The following WWP2 variants were observed in gnomAD, a reference collection of about 807,000 sequenced individuals.
WWP2 encodes the protein WW domain containing E3 ubiquitin protein ligase 2.
Under a neutral mutation model 121.0 loss-of-function variants are expected in WWP2, and 57 were observed. That is an observed-to-expected ratio of 0.47 (90% CI 0.38 to 0.59). The LOEUF (loss-of-function observed/expected upper bound fraction) is 0.59, where lower values mean the gene tolerates loss of function less well. Ranked by LOEUF, WWP2 falls within the 20% of genes least tolerant of loss-of-function variation. WWP2 has a pLI of 0.00. For missense variants in WWP2, 962 were observed against 1,158.9 expected, an observed-to-expected ratio of 0.83 and a Z score of 2.47; for synonymous variants, 449 against 441.3, an observed-to-expected ratio of 1.02 and a Z score of -0.22.
intron 7 of WWP2, 95 bp from the exon 8 acceptor site, chr16:69,887,944 G>T (rs2057953883): frequency 4.2e-6 from 6 of 1,417,034 alleles, no homozygotes; most frequent in Non-Finnish European, 5.9e-6. Context: ...TAACATTGTA[G>T]ATACCATGTT....
At chr16:69,851,698 C>T (rs185240080) in intron 6 of WWP2, among the ~76,000 whole-genome samples, 4 of 152,152 alleles carry the variant, frequency 2.6e-5, no homozygotes, top group Non-Finnish European at 5.9e-5. Flanking sequence ...GTTTTCAACT[C>T]GGTCGGGAAC....
intron 10 of WWP2, among the ~76,000 whole-genome samples, chr16:69,923,136 C>T (rs996633280): frequency 3.3e-5 from 5 of 152,012 alleles, no homozygotes; most frequent in Admixed American, 2.0e-4. Context: ...GTGATCCATC[C>T]GCCTCAGACT....
At chr16:69,825,878 C>A (rs996869960) in intron 4 of WWP2, among the ~76,000 whole-genome samples, 2 of 152,124 alleles carry the variant, frequency 1.3e-5, no homozygotes, top group African/African-American at 4.8e-5. Flanking sequence ...CTCACCTTGG[C>A]CTCTCCAAGT....
chr16:69,861,565 C>T (rs1471797200), intron 6 of WWP2, among the ~76,000 whole-genome samples: 3 of 151,822 alleles, frequency 2.0e-5, no homozygotes, highest in Non-Finnish European at 2.9e-5. Flanking sequence ...CCGTAAATTG[C>T]GCTTGCAGTG....
intron 4 of WWP2, among the ~76,000 whole-genome samples, chr16:69,839,513 C>T (rs553325037): frequency 1.3e-5 from 2 of 152,250 alleles, no homozygotes; most frequent in South Asian, 2.1e-4. Context: ...TCCTTGGGGA[C>T]GGGGTGCTCT....
chr16:69,822,537 G>A (rs2056611228), intron 4 of WWP2, among the ~76,000 whole-genome samples: 1 of 152,072 alleles, frequency 6.6e-6, no homozygotes, highest in Non-Finnish European at 1.5e-5. Flanking sequence ...GGTGGGGTGT[G>A]TGTGTGTGTG....
chr16:69,798,590 G>T, intron 2 of WWP2, 92 bp from the exon 3 acceptor site: 2 of 1,381,142 alleles, frequency 1.4e-6, no homozygotes, highest in Non-Finnish European at 1.9e-6. Context: ...ATTTTTTAAA[G>T]CAATAACTAA....
At chr16:69,853,755 A>T (rs1174843394) in intron 6 of WWP2, among the ~76,000 whole-genome samples, 2 of 152,204 alleles carry the variant, frequency 1.3e-5, no homozygotes, top group Non-Finnish European at 2.9e-5. Flanking sequence ...GCAGGACTGC[A>T]TGGCTGGCTA....
chr16:69,825,614 TG>T (rs2056672252), intron 4 of WWP2, among the ~76,000 whole-genome samples: 1 of 150,016 alleles, frequency 6.7e-6, no homozygotes, highest in African/African-American at 2.4e-5. Flanking sequence ...ATAGCAGAAG[TG>T]GGTTTTTTTT....
At chr16:69,905,380 G>T (rs2058274276) in intron 8 of WWP2, among the ~76,000 whole-genome samples, 2 of 152,156 alleles carry the variant, frequency 1.3e-5, no homozygotes, top group East Asian at 3.8e-4. Flanking sequence ...CAGGAGATCA[G>T]ATCTGAGCAG....
At chr16:69,875,606 C>G (rs1442176519) in intron 7 of WWP2, among the ~76,000 whole-genome samples, 1 of 152,244 alleles carries the variant, frequency 6.6e-6, no homozygotes, top group African/African-American at 2.4e-5. Flanking sequence ...TCCTTGTTGT[C>G]ATTTCAACAG....
intron 6 of WWP2, among the ~76,000 whole-genome samples, chr16:69,861,637 G>C (rs754989311): frequency 1.8e-4 from 23 of 129,518 alleles, no homozygotes; most frequent in Non-Finnish European, 2.3e-4. Context: ...CCTTTTACCC[G>C]CCCTCTCCTT....
chr16:69,870,954 A>G (rs2151915392), intron 6 of WWP2, among the ~76,000 whole-genome samples: 1 of 152,162 alleles, frequency 6.6e-6, no homozygotes, highest in Non-Finnish European at 1.5e-5. Flanking sequence ...ATTGCTTCTC[A>G]TTTACTTGGA....
At position 69,913,484 on chromosome 16, in the gene WWP2, A is replaced by G. The variant is rs190112300; in HGVS notation, c.1005-4225A>G. Among the ~76,000 whole-genome samples, 386 of 152,186 alleles carry G rather than the reference A, an allele frequency of 2.5e-3. 2 individuals carry two copies. Among genetic ancestry groups the G allele is most frequent in the African/African-American group, 7.6e-3 (317 of 41,558 alleles). On this transcript the variant is annotated intron_variant, in intron 9 of 23. Coordinates refer to ENST00000359154, the MANE Select transcript of WWP2 (RefSeq NM_001270454.2). ...GCCACTGCGCTCCAGCCTGGGTGAC[A>G]GAGCAAGACCCTGTCTCAAAAAATT...
At chr16:69,860,458 A>T (rs1439546804) in intron 6 of WWP2, among the ~76,000 whole-genome samples, 1 of 152,198 alleles carries the variant, frequency 6.6e-6, no homozygotes, top group Non-Finnish European at 1.5e-5. Flanking sequence ...TTAGGATGTT[A>T]TGAGAGAATG....
chr16:69,936,934 G>A, intron 19 of WWP2, 184 bp from the exon 20 acceptor site: 2 of 713,512 alleles, frequency 2.8e-6, no homozygotes, highest in Non-Finnish European at 4.4e-6. Flanking sequence ...AGACTCCGGT[G>A]TCTGCAGGTC....
intron 6 of WWP2, among the ~76,000 whole-genome samples, chr16:69,849,411 T>G (rs553745101): frequency 6.6e-6 from 1 of 152,336 alleles, no homozygotes; most frequent in Admixed American, 6.5e-5. Context: ...AGCTTATGCT[T>G]AAAATCTGGG....
intron 5 of WWP2, among the ~76,000 whole-genome samples, chr16:69,841,306 G>A (rs2056972996): frequency 6.6e-6 from 1 of 152,210 alleles, no homozygotes. Context: ...CCTGTACTTT[G>A]TTGGGGGAGA....
chr16:69,827,533 C>G (rs766675827), intron 4 of WWP2, among the ~76,000 whole-genome samples: 9 of 152,190 alleles, frequency 5.9e-5, no homozygotes, highest in Admixed American at 1.3e-4. Context: ...CCAATGTATA[C>G]AAGGGAATTT....
Sources: allele counts gnomAD v4.1 joint callset (sites outside exome capture counted in the v4.1 genomes callset), GRCh38; gene constraint gnomAD v4.1.1; transcripts MANE v1.5; gene names NCBI Gene and HGNC (gene_info 2026-07-23, HGNC 2026-07-21).